Variants in UBXN7 observed in about 807,000 individuals in gnomAD.
UBXN7 encodes UBX domain-containing protein 7.
UBXN7 carries 9 observed loss-of-function variants against 58.0 expected under a neutral mutation model. The observed-to-expected ratio is 0.16, with a 90% confidence interval of 0.09 to 0.27. The LOEUF (loss-of-function observed/expected upper bound fraction) is 0.27. Among genes scored for constraint, UBXN7 ranks in the 10% least tolerant of loss-of-function variants. The pLI is 1.00. For missense variants in UBXN7, 328 were observed against 599.6 expected (o/e 0.55, Z 4.73); for synonymous variants, 208 against 205.0 (o/e 1.01, Z -0.12).
chr3:196,417,339 T>A (rs1174443101), intron 1 of UBXN7, among the ~76,000 whole-genome samples: 4 of 151,764 alleles, frequency 2.6e-5, no homozygotes, highest in African/African-American at 9.7e-5. Flanking sequence ...ATCAAATAAA[T>A]AAATAAATGT....
intron 1 of UBXN7, among the ~76,000 whole-genome samples, chr3:196,409,006 T>C (rs1440796528): frequency 1.3e-5 from 2 of 152,174 alleles, no homozygotes; most frequent in Admixed American, 6.5e-5. Flanking sequence ...TTCATACTTA[T>C]TTCCTCTGTA....
chr3:196,396,396 TAAAAA>T (rs79527660), intron 3 of UBXN7, among the ~76,000 whole-genome samples: 1 of 141,890 alleles, frequency 7.0e-6, no homozygotes, highest in Non-Finnish European at 1.5e-5. Context: ...CCCTGTCTCT[TAAAAA>T]AAAAAAAAAA....
At chr3:196,392,447 G>A (rs925044215) in intron 4 of UBXN7, among the ~76,000 whole-genome samples, 1 of 151,998 alleles carries the variant, frequency 6.6e-6, no homozygotes, top group Non-Finnish European at 1.5e-5. Context: ...AGAGGTTGCA[G>A]TGAGCAGAGA....
intron 1 of UBXN7, among the ~76,000 whole-genome samples, chr3:196,425,809 T>C (rs557705960): frequency 1.3e-5 from 2 of 152,320 alleles, no homozygotes; most frequent in African/African-American, 4.8e-5. Context: ...GCAAGAAACA[T>C]CTTCCAGATT....
intron 1 of UBXN7, among the ~76,000 whole-genome samples, chr3:196,413,167 G>A (rs959287596): frequency 7.2e-5 from 11 of 151,902 alleles, no homozygotes; most frequent in African/African-American, 2.7e-4. Context: ...GTGAAACCCC[G>A]TCTCCACTAA....
Position 196,362,646 on chromosome 3 carries a change from A to G in UBXN7, c.876T>C (p.Ala292=), listed in dbSNP as rs778749392. ...TTTCTTGTAAGGAGGCTCTGATGGC[A>G]GCTTCTAGCTGGCTGTCTTCACTTG... The part of the protein sequence containing the change: ...IDASEDSQLE[A]AIRASLQETH... Residue 292 remains alanine (A), a synonymous_variant, in exon 9 of 11, where the codon GCT becomes GCC. Transcript: ENST00000296328. The G allele has an allele frequency of 1.2e-6, 2 of 1,612,640 alleles. No individual in the cohort carries two copies. The highest frequency in any genetic ancestry group is 2.7e-5 in the African/African-American group (2 of 75,026).
In UBXN7 at chr3:196,391,934, C is replaced by T. The variant is rs1560231245; in HGVS notation, c.356-9G>A. Reference sequence around the variant, plus strand: ...TTCTTGTTCTTGCCGAACTATAATACAGAAGGATGAAAGTTTCAGTTAGCC... The same window carrying T: ...TTCTTGTTCTTGCCGAACTATAATATAGAAGGATGAAAGTTTCAGTTAGCC... On this transcript the variant is annotated splice_polypyrimidine_tract_variant and intron_variant, in intron 4 of 10. Transcript: ENST00000296328. 7.8e-7 allele frequency: 1 copy of T among 1,279,520 alleles called. No homozygotes were observed. 79.3% of individuals were successfully genotyped at this position (1,279,520 alleles called of 1,614,324 possible). A position where few individuals can be genotyped will look rare whatever the true frequency, so the allele number is the denominator to read the frequency against.
intron 3 of UBXN7, among the ~76,000 whole-genome samples, chr3:196,401,320 C>CATATAT (rs34621144): frequency 1.4e-5 from 1 of 72,502 alleles, no homozygotes; most frequent in Non-Finnish European, 2.5e-5. Flanking sequence ...CACACACACA[C>CATATAT]ATATATATAT....
At chr3:196,373,729 A>T (rs1029812516) in intron 5 of UBXN7, among the ~76,000 whole-genome samples, 1 of 151,726 alleles carries the variant, frequency 6.6e-6, no homozygotes, top group Non-Finnish European at 1.5e-5. Flanking sequence ...TTTGTTGTTT[A>T]TATTTTTTGT....
intron 8 of UBXN7, among the ~76,000 whole-genome samples, chr3:196,363,701 G>C (rs920108726): frequency 2.6e-5 from 4 of 151,946 alleles, no homozygotes; most frequent in African/African-American, 9.7e-5. Flanking sequence ...GCTTGAGGCG[G>C]GCAGATCACC....
At position 196,347,861 on chromosome 3, in the gene UBXN7, C is replaced by A. The variant is rs1353425744; in HGVS notation, c.*8824G>T. On this transcript the variant is annotated 3_prime_UTR_variant, in exon 11 of 11. Transcript: ENST00000296328. ...CCTCCCCCACCCCATTGTCCCCCCACCCTCCCCGTTTCAAGTTGCAGTATT... is the reference window on the plus strand; with the variant it reads ...CCTCCCCCACCCCATTGTCCCCCCAACCTCCCCGTTTCAAGTTGCAGTATT... 1 of 149,438 alleles carries A rather than the reference C, an allele frequency of 6.7e-6. No homozygotes were observed. Among genetic ancestry groups the A allele is most frequent in the African/African-American group, 2.5e-5 (1 of 40,296 alleles). The allele number at this position is 149,438 out of a possible 1,614,324, so 9.3% of individuals were successfully genotyped here.
At chr3:196,382,417 A>G (rs1223996304) in intron 5 of UBXN7, among the ~76,000 whole-genome samples, 2 of 152,294 alleles carry the variant, frequency 1.3e-5, no homozygotes, top group South Asian at 4.1e-4. Context: ...GAAATAAAAT[A>G]CTTTACAGAC....
At chr3:196,403,454 A>G (rs1730054854) in intron 2 of UBXN7, among the ~76,000 whole-genome samples, 1 of 152,228 alleles carries the variant, frequency 6.6e-6, no homozygotes, top group Non-Finnish European at 1.5e-5. Context: ...GAGCTACTGC[A>G]TCCGGCTGAT....
intron 5 of UBXN7, among the ~76,000 whole-genome samples, chr3:196,387,271 T>C (rs1053805256): frequency 6.6e-6 from 1 of 152,154 alleles, no homozygotes; most frequent in African/African-American, 2.4e-5. Flanking sequence ...TCCTTACACC[T>C]TATACAAAAA....
intron 8 of UBXN7, among the ~76,000 whole-genome samples, chr3:196,364,413 G>T (rs1015645795): frequency 6.6e-6 from 1 of 152,072 alleles, no homozygotes; most frequent in African/African-American, 2.4e-5. Context: ...ATATGCCAGA[G>T]TATTAATTAA....
chr3:196,430,980 T>C (rs901808349), intron 1 of UBXN7, among the ~76,000 whole-genome samples: 4 of 152,180 alleles, frequency 2.6e-5, no homozygotes, highest in Non-Finnish European at 4.4e-5. Context: ...AAATTTTACT[T>C]TACTTTGACC....
chr3:196,374,708 C>T (rs1399870127), intron 5 of UBXN7, among the ~76,000 whole-genome samples: 1 of 150,008 alleles, frequency 6.7e-6, no homozygotes, highest in South Asian at 2.1e-4. Context: ...TGGTGAAACC[C>T]CATCTCTACT....
At chr3:196,387,673 C>T (rs945449505) in intron 5 of UBXN7, among the ~76,000 whole-genome samples, 20 of 152,214 alleles carry the variant, frequency 1.3e-4, no homozygotes, top group East Asian at 5.8e-4. Flanking sequence ...ATCTATGCAG[C>T]GAACAGACAC....
intron 1 of UBXN7, among the ~76,000 whole-genome samples, chr3:196,428,611 G>A (rs949470706): frequency 2.0e-5 from 3 of 151,620 alleles, no homozygotes; most frequent in East Asian, 1.9e-4. Context: ...AAATTATTTC[G>A]GCCAGGTGCA....
Sources: allele counts gnomAD v4.1 joint callset (sites outside exome capture counted in the v4.1 genomes callset), GRCh38; gene constraint gnomAD v4.1.1; transcripts MANE v1.5; gene names NCBI Gene and HGNC (gene_info 2026-07-23, HGNC 2026-07-21).